The following PDXDC1 variants were observed in gnomAD, a reference collection of about 807,000 sequenced individuals.
The protein encoded by PDXDC1 is pyridoxal dependent decarboxylase domain containing 1, also known as pyridoxal-dependent decarboxylase domain-containing protein 1.
In PDXDC1, 42 loss-of-function variants were observed where a neutral mutation model predicts 100.1. That is an observed-to-expected ratio of 0.42 (90% CI 0.33 to 0.54). The LOEUF (loss-of-function observed/expected upper bound fraction) is 0.54. PDXDC1 is among the 20% of genes least tolerant of loss of function. PDXDC1 has a pLI of 0.10. For synonymous variants in PDXDC1, 260 were observed against 371.7 expected (o/e 0.70, Z 3.46); for missense variants, 636 against 979.2 (o/e 0.65, Z 4.68).
chr16:15,027,819 G>A (rs977261761), intron 14 of PDXDC1, among the ~76,000 whole-genome samples: 3 of 152,294 alleles, frequency 2.0e-5, no homozygotes, highest in Non-Finnish European at 4.4e-5. Context: ...GTTTTTATAG[G>A]CCCAGGATGG....
At chr16:15,025,225 TAC>T (rs1330408969) in intron 13 of PDXDC1, 10 of 152,382 alleles carry the variant, frequency 6.6e-5, no homozygotes, top group Non-Finnish European at 1.2e-4. Context: ...TACTATTTCT[TAC>T]ACACATTGAC....
chr16:15,044,371 G>A, intron 16 of PDXDC1: 1 of 1,613,556 alleles, frequency 6.2e-7, no homozygotes, highest in Non-Finnish European at 8.5e-7. Context: ...ACAACTGCCT[G>A]TCGTCACTGA....
the PDXDC1 span, among the ~76,000 whole-genome samples, chr16:15,144,893 G>A: frequency 3.9e-5 from 6 of 152,298 alleles, no homozygotes; most frequent in South Asian, 2.1e-4. Context: ...GCCACCTGCC[G>A]CTGGGGTCGG....
Position 15,017,395 on chromosome 16 carries a change from A to G in PDXDC1, c.936A>G (p.Thr312=), listed in dbSNP as rs750565513. The G allele has an allele frequency of 1.9e-6, 3 of 1,614,228 alleles. No homozygotes were observed. Among genetic ancestry groups the G allele is most frequent in the Non-Finnish European group, 8.5e-7 (1 of 1,180,018 alleles). ...GTTTGCCAGCTGTTCCTGCGGTGAC[A>G]CTGTATAAACACGATGACCCTGCCT... ...WLGLPAVPAV[T]LYKHDDPALT... The change falls in exon 11 of 23, where the codon ACA becomes ACG. Residue 312 remains threonine, a synonymous_variant. Coordinates refer to ENST00000396410, the MANE Select transcript of PDXDC1 (RefSeq NM_015027.4).
chr16:15,050,895 A>T (rs1166501838), intron 16 of PDXDC1, among the ~76,000 whole-genome samples: 2 of 151,432 alleles, frequency 1.3e-5, no homozygotes, highest in African/African-American at 4.8e-5. Context: ...AACAAACTAA[A>T]GATTAAATGA....
intron 13 of PDXDC1, among the ~76,000 whole-genome samples, chr16:15,024,880 A>G (rs1370312153): frequency 2.0e-5 from 3 of 152,296 alleles, no homozygotes; most frequent in African/African-American, 4.8e-5. Flanking sequence ...TCTGAAATCA[A>G]ATCTGTTTGT....
Position 15,089,891 on chromosome 16 carries a change from C to G in PDXDC1, c.1400-48988C>G, listed in dbSNP as rs1244034442. On this transcript the variant is annotated intron_variant, in intron 16 of 16. Coordinates refer to the PDXDC1 transcript ENST00000535621. ...GGGTGGCCAACAGTGTCGGCTGATA[C>G]AAGGAATACAAGGCTTAAAAAAGTA... 2.0e-5 allele frequency among the ~76,000 whole-genome samples: 3 copies of G among 146,738 alleles called. No individual in the cohort carries two copies. In the East Asian group the frequency reaches 6.2e-4, roughly 30 times the overall value.
chr16:14,984,402 GTT>G (rs144252060), intron 1 of PDXDC1, among the ~76,000 whole-genome samples: 67,743 of 114,388 alleles, frequency 0.59, 15,953 homozygotes, highest in Middle Eastern at 0.76. Flanking sequence ...GTTTGTGTGG[GTT>G]TTTTTTTTTT....
chr16:15,027,389 A>G (rs1425311515), intron 14 of PDXDC1, among the ~76,000 whole-genome samples: 5 of 152,256 alleles, frequency 3.3e-5, no homozygotes, highest in Non-Finnish European at 5.9e-5. Context: ...TCCAGCGGGC[A>G]TGTGTTACAG....
chr16:15,034,677 G>T lies in PDXDC1; in HGVS notation c.2002+124G>T. 2.0e-5 allele frequency: 15 copies of T among 750,090 alleles called. No homozygotes were observed. In the South Asian group the frequency reaches 2.4e-4, roughly 12 times the overall value. The allele number at this position is 750,090 out of a possible 1,614,324, so 46.5% of individuals were successfully genotyped here. On this transcript the variant is annotated intron_variant, in intron 21 of 22. Transcript: ENST00000396410. Reference sequence around the variant, plus strand: ...TTCCCGTTCTTCATCACTGGGTGTGGGCCGGACATCTGAGGAGACAAGTTC... The same window carrying T: ...TTCCCGTTCTTCATCACTGGGTGTGTGCCGGACATCTGAGGAGACAAGTTC...
At chr16:14,991,605 ACCT>A (rs1418001438) in intron 1 of PDXDC1, among the ~76,000 whole-genome samples, 8 of 147,598 alleles carry the variant, frequency 5.4e-5, no homozygotes, top group African/African-American at 2.0e-4. Context: ...TGTAGCCTTG[ACCT>A]CCTGGGCTCA....
chr16:14,978,611 T>C (rs536817724), intron 1 of PDXDC1, among the ~76,000 whole-genome samples: 31 of 152,386 alleles, frequency 2.0e-4, no homozygotes, highest in African/African-American at 6.7e-4. Flanking sequence ...CCCAGGCTGG[T>C]CCCAACCTCC....
downstream of PDXDC1, chr16:15,038,778 A>T (rs551030925): frequency 1.5e-6 from 1 of 689,092 alleles, no homozygotes; most frequent in African/African-American, 1.8e-5. Context: ...TAGTCCTTTC[A>T]TGCATTTATC....
Position 15,032,916 on chromosome 16 carries a change from A to G in PDXDC1, c.1627A>G (p.Asn543Asp), listed in dbSNP as rs1407328634. 1 of 1,613,026 alleles carries G rather than the reference A, an allele frequency of 6.2e-7. No individual in the cohort carries two copies. Among genetic ancestry groups the G allele is most frequent in the Non-Finnish European group, 8.5e-7 (1 of 1,178,924 alleles). ...TTTGAAATCAGATCCCGAAGGGGAA[A>G]ACATCCATGCTGGACTCCTGAAGAA... Reference protein sequence around the residue: ...SSLKSDPEGENIHAGLLKKLN... With the variant: ...SSLKSDPEGEDIHAGLLKKLN... Residue 543 changes from asparagine to aspartate, a missense_variant, in exon 18 of 23, where the codon AAC (asparagine) becomes GAC (aspartate). Physicochemically the swap from Asn to Asp is conservative, Grantham distance 23. Transcript: ENST00000396410.
intron 1 of PDXDC1, among the ~76,000 whole-genome samples, chr16:14,997,312 A>G (rs887442984): frequency 6.6e-6 from 1 of 152,298 alleles, no homozygotes; most frequent in Non-Finnish European, 1.5e-5. Context: ...CAAGGCGGGC[A>G]GATCACTTGA....
At chr16:15,141,972 G>C (rs2048482663), downstream of PDXDC1, among the ~76,000 whole-genome samples, 1 of 152,200 alleles carries the variant, frequency 6.6e-6, no homozygotes, top group Non-Finnish European at 1.5e-5. Context: ...CTGAGGCGCA[G>C]CAGCCCTAAG....
At chr16:15,125,660 C>T (rs1472961568) in intron 16 of PDXDC1, 3 of 1,295,264 alleles carry the variant, frequency 2.3e-6, no homozygotes, top group Non-Finnish European at 3.4e-6. Flanking sequence ...GGACCCCCAG[C>T]CCAGCCCAGG....
At chr16:15,091,929 A>C (rs1267477328) in intron 16 of PDXDC1, among the ~76,000 whole-genome samples, 2 of 152,202 alleles carry the variant, frequency 1.3e-5, no homozygotes, top group African/African-American at 4.8e-5. Context: ...CTGTAATCCC[A>C]GCACTTTGGG....
intron 16 of PDXDC1, chr16:15,072,895 A>G: frequency 1.3e-6 from 2 of 1,592,734 alleles, no homozygotes; most frequent in Non-Finnish European, 1.7e-6. Context: ...TTTAGGGAAA[A>G]TTTTTGGGCA....
Sources: allele counts gnomAD v4.1 joint callset (sites outside exome capture counted in the v4.1 genomes callset), GRCh38; gene constraint gnomAD v4.1.1; transcripts MANE v1.5; gene names NCBI Gene and HGNC (gene_info 2026-07-23, HGNC 2026-07-21).